DYRK1A: variants seen among roughly 807,000 people sequenced by gnomAD.
DYRK1A encodes the protein dual specificity tyrosine phosphorylation regulated kinase 1A, also known as dual specificity tyrosine-phosphorylation-regulated kinase 1A.
Under a neutral mutation model 79.7 loss-of-function variants are expected in DYRK1A, and 9 were observed. The observed-to-expected ratio is 0.11, with a 90% CI of 0.07 to 0.20. The LOEUF is 0.20. Ranked by LOEUF, DYRK1A falls within the 10% of genes least tolerant of loss-of-function variation. DYRK1A has a pLI of 1.00. For missense variants in DYRK1A, 622 were observed against 956.0 expected, an observed-to-expected ratio of 0.65 and a Z score of 4.61; for synonymous variants, 349 against 329.7, an observed-to-expected ratio of 1.06 and a Z score of -0.63.
intron 1 of DYRK1A, among the ~76,000 whole-genome samples, chr21:37,387,014 T>C (rs1165993291): frequency 6.6e-6 from 1 of 152,238 alleles, no homozygotes; most frequent in Non-Finnish European, 1.5e-5. Context: ...ACGCTCTCCT[T>C]GAGCACATGT....
intron 1 of DYRK1A, among the ~76,000 whole-genome samples, chr21:37,386,912 G>A (rs2049771876): frequency 6.6e-6 from 1 of 152,196 alleles, no homozygotes; most frequent in Non-Finnish European, 1.5e-5. Context: ...TGGTACCTTG[G>A]CCTAGGAACA....
chr21:37,502,684 T>A (rs2148643583), intron 9 of DYRK1A: 1 of 152,332 alleles, frequency 6.6e-6, no homozygotes, highest in East Asian at 1.9e-4. Flanking sequence ...TCCTTATATT[T>A]GCTCTTTTCT....
chr21:37,443,133 G>A (rs74929188), intron 2 of DYRK1A, among the ~76,000 whole-genome samples: 1 of 152,052 alleles, frequency 6.6e-6, no homozygotes, highest in Admixed American at 6.6e-5. Flanking sequence ...CATAGACCAG[G>A]GTAGGAGATG....
chr21:37,505,941 A>G (rs544712647), intron 10 of DYRK1A, among the ~76,000 whole-genome samples, 158 bp from the exon 11 acceptor site: 1 of 152,228 alleles, frequency 6.6e-6, no homozygotes, highest in African/African-American at 2.4e-5. Flanking sequence ...TAGTCAGAGA[A>G]TATGAAGACT....
chr21:37,369,088 TAAG>T (rs1036954421), intron 1 of DYRK1A, among the ~76,000 whole-genome samples: 4 of 152,352 alleles, frequency 2.6e-5, no homozygotes, highest in East Asian at 1.9e-4. Context: ...TGATGAGTCA[TAAG>T]AAAGTTTTGT....
At chr21:37,409,054 T>A (rs2050197963) in intron 1 of DYRK1A, among the ~76,000 whole-genome samples, 1 of 152,154 alleles carries the variant, frequency 6.6e-6, no homozygotes, top group Non-Finnish European at 1.5e-5. Flanking sequence ...GCATTGGGTT[T>A]GGACGTGGCA....
At chr21:37,454,085 C>CTTTTTTTTTTTTTTTTTTTTTTTTTTTT (rs571859735) in intron 2 of DYRK1A, among the ~76,000 whole-genome samples, 1 of 59,614 alleles carries the variant, frequency 1.7e-5, no homozygotes, top group Non-Finnish European at 2.9e-5. Flanking sequence ...ATGTAGTCTC[C>CTTTTTTTTTTTTTTTTTTTTTTTTTTTT]TTTTTTTTTT....
intron 2 of DYRK1A, among the ~76,000 whole-genome samples, chr21:37,461,893 T>C (rs1432761248): frequency 6.6e-6 from 1 of 151,528 alleles, no homozygotes; most frequent in Non-Finnish European, 1.5e-5. Flanking sequence ...GTTTTCAGTT[T>C]GGTTAATTTA....
At chr21:37,503,990 G>T (rs1319846300) in intron 9 of DYRK1A, 1 of 152,114 alleles carries the variant, frequency 6.6e-6, no homozygotes, top group Non-Finnish European at 1.5e-5. Flanking sequence ...CTTTGCTTAA[G>T]AACAGTTAAA....
intron 6 of DYRK1A, 60 bp downstream of exon 6, chr21:37,486,674 G>T: frequency 7.4e-7 from 1 of 1,349,110 alleles, no homozygotes; most frequent in South Asian, 2.1e-5. Context: ...TTGAGTTAAT[G>T]GTTCTTTTCT....
At chr21:37,392,274 T>TTTCCTAGA (rs2049885003) in intron 1 of DYRK1A, among the ~76,000 whole-genome samples, 3 of 152,216 alleles carry the variant, frequency 2.0e-5, no homozygotes, top group Non-Finnish European at 4.4e-5. Flanking sequence ...TCATCTCCTG[T>TTTCCTAGA]AGTCTTTCCT....
intron 9 of DYRK1A, among the ~76,000 whole-genome samples, chr21:37,497,941 AATT>A (rs1462028523): frequency 1.3e-5 from 2 of 152,124 alleles, no homozygotes; most frequent in African/African-American, 2.4e-5. Context: ...AATATGAAAT[AATT>A]ATTTTGCTTT....
At chr21:37,451,605 GGGCGTGC>G in intron 2 of DYRK1A, among the ~76,000 whole-genome samples, 1 of 151,110 alleles carries the variant, frequency 6.6e-6, no homozygotes, top group Non-Finnish European at 1.5e-5. Flanking sequence ...CGTCTAGCGT[GGGCGTGC>G]AGTAGGCTCC....
chr21:37,516,306 CT>C lies in DYRK1A; in HGVS notation c.*3777del, dbSNP rs2148669455. ...CGTGCGTGACTTCGGTATACCCAGA[CT>C]TCATTCAGATTTCTTAAAAATCTGC... On this transcript the variant is annotated 3_prime_UTR_variant, in exon 12 of 12. Transcript: ENST00000647188. 1 of 152,322 alleles carries C rather than the reference CT, an allele frequency of 6.6e-6. No individual in the cohort carries two copies. Among genetic ancestry groups the C allele is most frequent in the African/African-American group, 2.4e-5 (1 of 41,568 alleles). 9.4% of individuals were successfully genotyped at this position (152,322 alleles called of 1,614,324 possible). A position where few individuals can be genotyped will look rare whatever the true frequency, so the allele number is the denominator to read the frequency against.
Position 37,411,692 on chromosome 21 carries a change from A to G in DYRK1A, c.-76-8607A>G, listed in dbSNP as rs558333225. ...TGGTTGAGAAAATTCCAGGGTAACAATTTTAAGGTTTAAGTTTTAATTTCA... is the reference window on the plus strand; with the variant it reads ...TGGTTGAGAAAATTCCAGGGTAACAGTTTTAAGGTTTAAGTTTTAATTTCA... On this transcript the variant is annotated intron_variant, in intron 1 of 11. Coordinates refer to ENST00000647188, the MANE Select transcript of DYRK1A (RefSeq NM_001347721.2). 6.6e-5 allele frequency among the ~76,000 whole-genome samples: 10 copies of G among 152,268 alleles called. No homozygotes were observed. The South Asian group carries it at 1.9e-3, about 28-fold the overall frequency.
intron 3 of DYRK1A, among the ~76,000 whole-genome samples, chr21:37,476,281 C>T (rs575804492): frequency 6.6e-6 from 1 of 152,172 alleles, no homozygotes; most frequent in African/African-American, 2.4e-5. Flanking sequence ...ATTTATCTCC[C>T]TTGAGATTGT....
intron 1 of DYRK1A, among the ~76,000 whole-genome samples, chr21:37,383,101 G>GCACT (rs1405701586): frequency 6.6e-6 from 1 of 152,200 alleles, no homozygotes. Flanking sequence ...GCAATCCTGT[G>GCACT]GCCTCCATGA....
At position 37,472,802 on chromosome 21, in the gene DYRK1A, T is replaced by C. The variant is rs1429965771; in HGVS notation, c.129T>C (p.Arg43=). 15 of 1,610,546 alleles carry C rather than the reference T, an allele frequency of 9.3e-6. No individual in the cohort carries two copies. The highest frequency in any genetic ancestry group is 1.2e-5 in the Non-Finnish European group (14 of 1,177,546). ...QMPHSHQYSD[R]RQPNISDQQV... ...CCCATTCACATCAGTACAGTGACCG[T>C]CGCCAGCCAAACATAAGTGACCAAC... is the stretch of plus-strand genomic sequence containing the variant. Residue 43 remains arginine (R), a synonymous_variant, in exon 3 of 12, where the codon CGT becomes CGC. Coordinates refer to ENST00000647188, the MANE Select transcript of DYRK1A (RefSeq NM_001347721.2).
chr21:37,444,585 T>A (rs1054980324), intron 2 of DYRK1A, among the ~76,000 whole-genome samples: 1 of 150,902 alleles, frequency 6.6e-6, no homozygotes, highest in Non-Finnish European at 1.5e-5. Context: ...CAAGAAGGGT[T>A]TTCCTGAGGA....
Sources: gnomAD v4.1 joint callset for allele counts (sites outside exome capture counted in the v4.1 genomes callset) on GRCh38, gnomAD v4.1.1 for gene constraint, MANE v1.5 for transcripts, NCBI Gene and HGNC (gene_info 2026-07-23, HGNC 2026-07-21) for gene names.